HCN3: variants seen among roughly 807,000 people sequenced by gnomAD.
HCN3 encodes the protein hyperpolarization activated cyclic nucleotide gated potassium channel 3.
In HCN3, 36 loss-of-function variants were observed where a neutral mutation model predicts 56.8. That is an observed-to-expected ratio of 0.63 (90% CI 0.49 to 0.84). The LOEUF is 0.84. HCN3 is among the 40% of genes least tolerant of loss of function. The pLI, the probability that HCN3 is intolerant of heterozygous loss-of-function variation, is 0.00. For synonymous variants in HCN3, 425 were observed against 439.7 expected, an observed-to-expected ratio of 0.97 and a Z score of 0.42; for missense variants, 930 against 1,079.3, an observed-to-expected ratio of 0.86 and a Z score of 1.94.
intron 1 of HCN3, among the ~76,000 whole-genome samples, chr1:155,278,888 G>A (rs1673913931): frequency 6.6e-6 from 1 of 152,026 alleles, no homozygotes; most frequent in Non-Finnish European, 1.5e-5. Context: ...CAGAAGCCTG[G>A]TATCCCTCTG....
intron 2 of HCN3, among the ~76,000 whole-genome samples, chr1:155,283,115 G>A (rs1674141741): frequency 6.6e-6 from 1 of 152,126 alleles, no homozygotes. Flanking sequence ...TTTAGAGTTA[G>A]CTGGATGCTG....
intron 7 of HCN3, among the ~76,000 whole-genome samples, 191 bp downstream of exon 7, chr1:155,287,528 A>G (rs931454137): frequency 1.3e-5 from 2 of 151,964 alleles, no homozygotes; most frequent in African/African-American, 4.8e-5. Flanking sequence ...CCCAGGAGAG[A>G]TAGCATCCCA....
intron 1 of HCN3, among the ~76,000 whole-genome samples, chr1:155,281,967 G>A (rs1674072126): frequency 6.6e-6 from 1 of 152,158 alleles, no homozygotes; most frequent in African/African-American, 2.4e-5. Context: ...GCTCAGCATT[G>A]CATTTGTGAA....
Position 155,284,844 on chromosome 1 carries a change from C to T in HCN3, c.1089+87C>T. Reference sequence around the variant, plus strand: ...CTTGAGGCCCATTCTGATGTGTGCCCCTGTTGCGTCTCTGTTTCCTTTCCT... The same window carrying T: ...CTTGAGGCCCATTCTGATGTGTGCCTCTGTTGCGTCTCTGTTTCCTTTCCT... On this transcript the variant is annotated intron_variant, in intron 4 of 7. Coordinates refer to ENST00000368358, the MANE Select transcript of HCN3 (RefSeq NM_020897.3). The surrounding 1 kb of genome is among the most constrained non-coding windows in gnomAD (Gnocchi z 4.3). The T allele has an allele frequency of 1.7e-6, 2 of 1,174,486 alleles. No individual in the cohort carries two copies. The highest frequency in any genetic ancestry group is 2.4e-6 in the Non-Finnish European group (2 of 828,566). The allele number at this position is 1,174,486 out of a possible 1,614,324, so 72.8% of individuals were successfully genotyped here.
At position 155,285,128 on chromosome 1, in the gene HCN3, C is replaced by G. The variant is rs576982862; in HGVS notation, c.1090-37C>G. 9.3e-6 allele frequency: 15 copies of G among 1,606,276 alleles called. No homozygotes were observed. Among genetic ancestry groups the G allele is most frequent in the Non-Finnish European group, 1.2e-5 (14 of 1,174,666 alleles). The stretch of plus-strand genomic sequence containing the variant: ...CTGTGCCGGCCCCAAATCTCTCCCT[C>G]TGTCCTCTTGCCCCTGGCAATGGGC... On this transcript the variant is annotated intron_variant, in intron 4 of 7. Transcript: ENST00000368358. The surrounding 1 kb of genome is among the most constrained non-coding windows in gnomAD (Gnocchi z 4.5).
rs546862021 is a variant in HCN3 at position 155,281,035 on chromosome 1, T to A, written c.279-1376T>A. 1.2e-4 allele frequency among the ~76,000 whole-genome samples: 18 copies of A among 151,534 alleles called. No homozygotes were observed. The South Asian group carries it at 3.1e-3, about 26-fold the overall frequency. On this transcript the variant is annotated intron_variant, in intron 1 of 7. Transcript: ENST00000368358. ...TCTCAAAGTGCTGGGATTACAGATA[T>A]GAGCCACCGCACCCAGCGCCTGGCT...
rs1354900369 is a variant in HCN3, at chr1:155,285,297, G to A, written c.1222G>A (p.Glu408Lys). Reference sequence around the variant, plus strand: ...GGAAAGCATCCTGGGCGAGCTGAGCGAGCCGCTTCGCGAGGTGGGGCTGGG... The same window carrying A: ...GGAAAGCATCCTGGGCGAGCTGAGCAAGCCGCTTCGCGAGGTGGGGCTGGG... Reference protein sequence around the residue: ...DEESILGELSEPLREEIINFT... With the variant: ...DEESILGELSKPLREEIINFT... Residue 408 changes from glutamate (E) to lysine (K), a missense_variant, in exon 5 of 8, where the codon GAG (glutamate) becomes AAG (lysine). By Grantham distance (56) the Glu-to-Lys change is moderately conservative. Transcript: ENST00000368358. The surrounding 1 kb of genome is among the most constrained non-coding windows in gnomAD (Gnocchi z 4.5). The A allele has an allele frequency of 1.0e-5, 16 of 1,604,452 alleles. No individual in the cohort carries two copies. Among genetic ancestry groups the A allele is most frequent in the South Asian group, 3.4e-5 (3 of 88,422 alleles).
rs1674394373 is a variant in HCN3 at position 155,288,429 on chromosome 1, C to CACCCCG, written c.2292_2297dup (p.Pro765_Arg766dup). 1 of 1,607,266 alleles carries CACCCCG rather than the reference C, an allele frequency of 6.2e-7. No individual in the cohort carries two copies. The highest frequency in any genetic ancestry group is 8.5e-7 in the Non-Finnish European group (1 of 1,177,498). On this transcript the variant is annotated inframe_insertion, in exon 8 of 8. Transcript: ENST00000368358. This position sits in a 1 kb window ranked among gnomAD's most constrained non-coding sequence, Gnocchi z 6.5. ...AGGCCACCAGTGCCTGAGCCAGCCA[C>CACCCCG]ACCCCGGGGTCTCCAGCTTTCTGCC... is the stretch of plus-strand genomic sequence containing the variant.
In HCN3 at chr1:155,284,101, C is replaced by T. The variant is rs1439755017; in HGVS notation, c.836C>T (p.Pro279Leu). The T allele has an allele frequency of 5.6e-6, 9 of 1,614,066 alleles. No individual in the cohort carries two copies. The highest frequency in any genetic ancestry group is 1.3e-5 in the African/African-American group (1 of 74,930). ...CTGGTGCCCATGCTGCAGGACTTCC[C>T]TCCCGACTGCTGGGTCTCCATCAAC... ...QFLVPMLQDF[P>L]PDCWVSINHM... The change falls in exon 3 of 8, where the codon CCT becomes CTT. Residue 279 changes from proline (P) to leucine (L), a missense_variant. Transcript: ENST00000368358. The surrounding 1 kb of genome is among the most constrained non-coding windows in gnomAD (Gnocchi z 4.3).
At chr1:155,286,206 C>T (rs895183522) in intron 6 of HCN3, among the ~76,000 whole-genome samples, 2 of 152,076 alleles carry the variant, frequency 1.3e-5, no homozygotes, top group South Asian at 2.1e-4. Context: ...AGTGCAGTGG[C>T]GCAATCTCGG....
In HCN3 at chr1:155,284,547, G is replaced by T. The variant is rs758943199; in HGVS notation, c.879G>T (p.Ser293=). ...TATACTCTGCCCCTCAGAACCACTC[G>T]TGGGGCCGCCAGTATTCCCATGCCC... ...WVSINHMVNH[S]WGRQYSHALF... The change falls in exon 4 of 8, where the codon TCG becomes TCT. Residue 293 remains serine (S), a synonymous_variant. Transcript: ENST00000368358. This position sits in a 1 kb window ranked among gnomAD's most constrained non-coding sequence, Gnocchi z 4.3. 4.3e-6 allele frequency: 7 copies of T among 1,611,864 alleles called. No individual in the cohort carries two copies. The highest frequency in any genetic ancestry group is 2.2e-5 in the East Asian group (1 of 44,880).
intron 2 of HCN3, 49 bp from the exon 3 acceptor site, chr1:155,283,925 A>G: frequency 6.3e-7 from 1 of 1,582,774 alleles, no homozygotes. Flanking sequence ...GGAGGAGGAC[A>G]AGCAGGGAGG....
Position 155,284,275 on chromosome 1 carries a change from A to G in HCN3, c.870+140A>G. On this transcript the variant is annotated intron_variant, in intron 3 of 7. Transcript: ENST00000368358. The surrounding 1 kb of genome is among the most constrained non-coding windows in gnomAD (Gnocchi z 4.3). ...AGCGAGGAGGTGGGGAGGAGGGAGG[A>G]AAGGGGAAGGAGACCCAGAAGAAGT... 1 of 1,044,612 alleles carries G rather than the reference A, an allele frequency of 9.6e-7. No individual in the cohort carries two copies. The highest frequency in any genetic ancestry group is 1.4e-6 in the Non-Finnish European group (1 of 725,816). 64.7% of individuals were successfully genotyped at this position (1,044,612 alleles called of 1,614,324 possible).
In HCN3 at chr1:155,283,036, G is replaced by A. The variant is rs538849602; in HGVS notation, c.708+196G>A. ...TGGGGGAGAAGCAGGAACAGAATGA[G>A]GGTTCGGGGGATGGGGCCTGGGGTG... On this transcript the variant is annotated intron_variant, in intron 2 of 7. Coordinates refer to ENST00000368358, the MANE Select transcript of HCN3 (RefSeq NM_020897.3). 2.0e-5 allele frequency among the ~76,000 whole-genome samples: 3 copies of A among 152,258 alleles called. No homozygotes were observed. In the East Asian group the frequency reaches 5.8e-4, roughly 29 times the overall value.
chr1:155,288,238 A>C lies in HCN3; in HGVS notation c.2100A>C (p.Gly700=). Residue 700 remains glycine, a synonymous_variant, in exon 8 of 8, where the codon GGA becomes GGC. Transcript: ENST00000368358. The surrounding 1 kb of genome is among the most constrained non-coding windows in gnomAD (Gnocchi z 6.5). ...QVSLLGPPPG[G]GGRRLGPRGR... is the part of the protein sequence containing the mutation. ...CCCTGCTGGGTCCCCCTCCAGGAGG[A>C]GGTGGACGGCGGCTAGGACCTCGGG... The C allele has an allele frequency of 6.3e-7, 1 of 1,585,252 alleles. No individual in the cohort carries two copies. The highest frequency in any genetic ancestry group is 8.5e-7 in the Non-Finnish European group (1 of 1,169,618).
intron 1 of HCN3, among the ~76,000 whole-genome samples, chr1:155,281,322 G>A (rs2148171530): frequency 6.6e-6 from 1 of 151,788 alleles, no homozygotes; most frequent in East Asian, 1.9e-4. Context: ...GCCCATCTTG[G>A]CCTCCCAAAG....
rs569273806 is a variant in HCN3, at chr1:155,281,204, G to A, written c.279-1207G>A. Among the ~76,000 whole-genome samples the A allele has an allele frequency of 5.9e-5, 9 of 151,456 alleles. No individual in the cohort carries two copies. The South Asian group carries it at 1.9e-3, about 32-fold the overall frequency. ...TCCTGCCTCAGCCTCCCGAGTAGCT[G>A]GGACTACAGGTGTGCACCACCATGC... On this transcript the variant is annotated intron_variant, in intron 1 of 7. Transcript: ENST00000368358.
Position 155,285,412 on chromosome 1 carries a change from G to A in HCN3, c.1236+101G>A. ...AGCAGGTGCTCCTATAGGGAATGAG[G>A]CCTGCAGAGGGCCCCGTGGGAGGCC... On this transcript the variant is annotated intron_variant, in intron 5 of 7. Transcript: ENST00000368358. The surrounding 1 kb of genome is among the most constrained non-coding windows in gnomAD (Gnocchi z 4.5). 1 of 1,455,714 alleles carries A rather than the reference G, an allele frequency of 6.9e-7. No homozygotes were observed. Among genetic ancestry groups the A allele is most frequent in the Non-Finnish European group, 9.3e-7 (1 of 1,080,830 alleles). 90.2% of individuals were successfully genotyped at this position (1,455,714 alleles called of 1,614,324 possible). A position where few individuals can be genotyped will look rare whatever the true frequency, so the allele number is the denominator to read the frequency against.
Position 155,284,785 on chromosome 1 carries a change from G to A in HCN3, c.1089+28G>A, listed in dbSNP as rs756126990. ...CAGCAGGGACAGGAGAGGGAGGTGTGGCATGGAGGGGTGTTGGAGACTGGG... is the reference window on the plus strand; with the variant it reads ...CAGCAGGGACAGGAGAGGGAGGTGTAGCATGGAGGGGTGTTGGAGACTGGG... On this transcript the variant is annotated intron_variant, in intron 4 of 7. Coordinates refer to ENST00000368358, the MANE Select transcript of HCN3 (RefSeq NM_020897.3). This position sits in a 1 kb window ranked among gnomAD's most constrained non-coding sequence, Gnocchi z 4.3. 1.8e-5 allele frequency: 28 copies of A among 1,582,094 alleles called. No homozygotes were observed. The East Asian group carries it at 2.0e-4, about 12-fold the overall frequency.
Sources: gnomAD v4.1 joint callset for allele counts (sites outside exome capture counted in the v4.1 genomes callset) on GRCh38, gnomAD v4.1.1 for gene constraint, Gnocchi (gnomAD v3.1) non-coding constraint, MANE v1.5 for transcripts, NCBI Gene and HGNC (gene_info 2026-07-23, HGNC 2026-07-21) for gene names.